The following AIMP2 variants were observed in gnomAD, a reference collection of about 807,000 sequenced individuals.
The protein encoded by AIMP2 is aminoacyl tRNA synthase complex-interacting multifunctional protein 2.
AIMP2 carries 20 observed loss-of-function variants against 23.4 expected under a neutral mutation model. The ratio of observed to expected loss-of-function variants is 0.85; its 90% CI spans 0.60 to 1.24. The LOEUF (loss-of-function observed/expected upper bound fraction) is 1.24. Ranked by LOEUF, AIMP2 falls within the 50% of genes most tolerant of loss-of-function variation. The pLI is 0.00. For synonymous variants in AIMP2, 210 were observed against 170.4 expected (o/e 1.23, Z -1.81); for missense variants, 515 against 414.5 (o/e 1.24, Z -2.10).
At chr7:6,013,916 A>G (rs1253535694) in intron 1 of AIMP2, among the ~76,000 whole-genome samples, 5 of 151,584 alleles carry the variant, frequency 3.3e-5, no homozygotes, top group Non-Finnish European at 7.4e-5. Context: ...ACACCCCTGC[A>G]CTCCAGCCTG....
chr7:6,013,512 C>T (rs1389082379), intron 1 of AIMP2, among the ~76,000 whole-genome samples: 5 of 152,062 alleles, frequency 3.3e-5, no homozygotes, highest in South Asian at 2.1e-4. Flanking sequence ...CTGCCCCTCT[C>T]GGCCTCCCAA....
intron 1 of AIMP2, among the ~76,000 whole-genome samples, chr7:6,014,634 T>C (rs1786902545): frequency 6.6e-6 from 1 of 152,152 alleles, no homozygotes; most frequent in African/African-American, 2.4e-5. Context: ...TCTGCTCCTG[T>C]ATTTTAATGT....
rs545990071 is a variant in AIMP2 at position 6,014,845 on chromosome 7, G to A, written c.136-301G>A. On this transcript the variant is annotated intron_variant, in intron 1 of 3. Coordinates refer to ENST00000223029, the MANE Select transcript of AIMP2 (RefSeq NM_006303.4). ...AGTGGTTCTCCTGCCTCACCCTCCCGAGTAGCTGGGATTACAGTTGCGTGC... is the reference window on the plus strand; with the variant it reads ...AGTGGTTCTCCTGCCTCACCCTCCCAAGTAGCTGGGATTACAGTTGCGTGC... The A allele has an allele frequency of 1.8e-3, 609 of 337,242 alleles. 3 individuals are homozygous for A. The highest frequency in any genetic ancestry group is 0.012 in the African/African-American group (574 of 46,614). 20.9% of individuals were successfully genotyped at this position (337,242 alleles called of 1,614,324 possible). A position where few individuals can be genotyped will look rare whatever the true frequency, so the allele number is the denominator to read the frequency against.
Position 6,009,386 on chromosome 7 carries a change from C to T in AIMP2, c.23C>T (p.Pro8Leu). The T allele has an allele frequency of 1.2e-6, 2 of 1,611,770 alleles. No individual in the cohort carries two copies. The highest frequency in any genetic ancestry group is 1.7e-6 in the Non-Finnish European group (2 of 1,180,012). MPMYQVK[P>L]YHGGGAPLRV... ...GCCATGCCGATGTACCAGGTAAAGCCCTATCACGGGGGCGGCGCGCCTCTC... is the reference window on the plus strand; with the variant it reads ...GCCATGCCGATGTACCAGGTAAAGCTCTATCACGGGGGCGGCGCGCCTCTC... Residue 8 changes from proline (P) to leucine (L), a missense_variant, in exon 1 of 4, where the codon CCC becomes CTC. Transcript: ENST00000223029.
chr7:6,019,145 T>C (rs1787223849), intron 3 of AIMP2, among the ~76,000 whole-genome samples: 2 of 151,672 alleles, frequency 1.3e-5, no homozygotes, highest in South Asian at 2.1e-4. Flanking sequence ...TGCTTCAATC[T>C]GCTTCAGACA....
chr7:6,009,887 T>A (rs1786442585), intron 1 of AIMP2, among the ~76,000 whole-genome samples: 1 of 140,608 alleles, frequency 7.1e-6, no homozygotes, highest in Non-Finnish European at 1.5e-5. Flanking sequence ...AGGCGGAGTT[T>A]GCAGTGAGCT....
At chr7:6,017,755 C>G in intron 2 of AIMP2, 59 bp from the exon 3 acceptor site, 1 of 1,488,380 alleles carries the variant, frequency 6.7e-7, no homozygotes, top group Non-Finnish European at 9.1e-7. Context: ...AGACTCGCGC[C>G]CGGCACAGTG....
Position 6,013,765 on chromosome 7 carries a change from T to C in AIMP2, c.136-1381T>C, listed in dbSNP as rs117345643. Among the ~76,000 whole-genome samples, 293 of 152,040 alleles carry C rather than the reference T, an allele frequency of 1.9e-3. 14 individuals are homozygous for C. The East Asian group carries it at 0.053, about 27-fold the overall frequency. On this transcript the variant is annotated intron_variant, in intron 1 of 3. Coordinates refer to ENST00000223029, the MANE Select transcript of AIMP2 (RefSeq NM_006303.4). ...GAGTTTGAGACCAGCCTGAGCAACA[T>C]AGCGCAGTTCTTTGTCTCTACAAAA...
rs757926814 is a variant in AIMP2 at position 6,023,515 on chromosome 7, C to G, written c.787C>G (p.Leu263Val). The G allele has an allele frequency of 4.3e-6, 7 of 1,614,230 alleles. No homozygotes were observed. The highest frequency in any genetic ancestry group is 5.9e-6 in the Non-Finnish European group (7 of 1,180,048). Residue 263 changes from leucine (L) to valine (V), a missense_variant, in exon 4 of 4, where the codon CTT (leucine) becomes GTT (valine). Transcript: ENST00000223029. ...AAVFRSMNSA[L>V]GKSPWLAGNE... ...TGTTTTCCGCTCCATGAACTCTGCT[C>G]TTGGGAAGAGCCCTTGGCTCGCTGG... is the stretch of plus-strand genomic sequence containing the variant.
At chr7:6,012,928 T>G in intron 1 of AIMP2, 1 of 989,824 alleles carries the variant, frequency 1.0e-6, no homozygotes, top group Non-Finnish European at 1.2e-6. Context: ...CTCTGACGTT[T>G]GATCTTAAAT....
At chr7:6,020,252 C>G (rs1315119426) in intron 3 of AIMP2, among the ~76,000 whole-genome samples, 2 of 151,996 alleles carry the variant, frequency 1.3e-5, no homozygotes, top group Non-Finnish European at 2.9e-5. Context: ...GAAACCCCAT[C>G]TCTATTAAAG....
At chr7:6,010,353 C>G (rs935439842) in intron 1 of AIMP2, among the ~76,000 whole-genome samples, 1 of 151,970 alleles carries the variant, frequency 6.6e-6, no homozygotes, top group Non-Finnish European at 1.5e-5. Context: ...CTCTCCACCC[C>G]CAACCCCAGG....
At chr7:6,018,963 AACCTT>A (rs915159089) in intron 3 of AIMP2, among the ~76,000 whole-genome samples, 1 of 121,436 alleles carries the variant, frequency 8.2e-6, no homozygotes, top group African/African-American at 3.0e-5. Flanking sequence ...AAATGTATCA[AACCTT>A]ACACACACAC....
In AIMP2 at chr7:6,009,323, G is replaced by C. The variant is rs777474354; in HGVS notation, c.-41G>C. On this transcript the variant is annotated 5_prime_UTR_variant, in exon 1 of 4. Transcript: ENST00000223029. ...TGACCTCTGACGGTTTCTGAGCGTT[G>C]GCCTTTGGCACGCGCTACCCCCTTT... 1.2e-6 allele frequency: 2 copies of C among 1,611,596 alleles called. No homozygotes were observed. The highest frequency in any genetic ancestry group is 1.7e-5 in the Admixed American group (1 of 60,010).
intron 1 of AIMP2, among the ~76,000 whole-genome samples, chr7:6,011,837 T>G (rs1258319473): frequency 1.3e-5 from 2 of 152,198 alleles, no homozygotes; most frequent in Non-Finnish European, 2.9e-5. Context: ...AGAGTCTGTT[T>G]TATTTGTTTT....
chr7:6,012,557 C>T (rs900921059), intron 1 of AIMP2: 3 of 194,692 alleles, frequency 1.5e-5, no homozygotes, highest in South Asian at 6.7e-5. Flanking sequence ...CATTCCTGAC[C>T]GAGGTTTTTT....
chr7:6,021,131 TACTTGCCC>T (rs367756505), intron 3 of AIMP2, among the ~76,000 whole-genome samples: 2 of 152,266 alleles, frequency 1.3e-5, no homozygotes, highest in African/African-American at 4.8e-5. Context: ...CAAAGTCGTC[TACTTGCCC>T]CCAGGCTCAT....
intron 1 of AIMP2, chr7:6,012,965 A>G (rs951066614): frequency 1.0e-6 from 1 of 987,700 alleles, no homozygotes; most frequent in African/African-American, 1.7e-5. Flanking sequence ...GAGAGGTGAG[A>G]AAGTGCTGAT....
intron 1 of AIMP2, among the ~76,000 whole-genome samples, chr7:6,010,961 C>G (rs1786646907): frequency 6.6e-6 from 1 of 152,106 alleles, no homozygotes; most frequent in South Asian, 2.1e-4. Flanking sequence ...GCCACTGGGT[C>G]CCAGCCCTGG....
Sources: gnomAD v4.1 joint callset for allele counts (sites outside exome capture counted in the v4.1 genomes callset) on GRCh38, gnomAD v4.1.1 for gene constraint, MANE v1.5 for transcripts, NCBI Gene and HGNC (gene_info 2026-07-23, HGNC 2026-07-21) for gene names.